Variants in UACA observed in about 807,000 individuals in gnomAD.
UACA encodes nuclear membrane binding protein.
In UACA, 112 loss-of-function variants were observed where a neutral mutation model predicts 160.5. The ratio of observed to expected loss-of-function variants is 0.70; its 90% confidence interval spans 0.60 to 0.82. UACA has a LOEUF of 0.82. Ranked by LOEUF, UACA falls within the 40% of genes least tolerant of loss-of-function variation. The pLI is 0.00. For synonymous variants in UACA, 557 were observed against 568.4 expected (o/e 0.98, Z 0.29); for missense variants, 1,574 against 1,614.6 (o/e 0.97, Z 0.43).
chr15:70,692,155 A>T (rs560667231), intron 3 of UACA, among the ~76,000 whole-genome samples: 2 of 152,252 alleles, frequency 1.3e-5, no homozygotes, highest in South Asian at 4.1e-4. Flanking sequence ...CTAATCTCAC[A>T]AACTTCTTTT....
At chr15:70,763,301 C>G (rs569126595) in intron 1 of UACA, 29 bp downstream of exon 1, 31 of 1,321,702 alleles carry the variant, frequency 2.3e-5, no homozygotes, top group Non-Finnish European at 3.0e-5. Flanking sequence ...CGGAGCGGAG[C>G]GCCTCGCAGC....
chr15:70,688,573 T>C (rs1240260874), intron 5 of UACA, among the ~76,000 whole-genome samples: 2 of 152,168 alleles, frequency 1.3e-5, no homozygotes, highest in Admixed American at 1.3e-4. Flanking sequence ...GCAAATCTTT[T>C]ATATAAAATG....
At chr15:70,669,518 A>G (rs1897065208) in intron 15 of UACA, 56 bp from the exon 16 acceptor site, 5 of 1,373,172 alleles carry the variant, frequency 3.6e-6, no homozygotes, top group Non-Finnish European at 4.9e-6. Context: ...GACATTTACT[A>G]TACTTATTTG....
Position 70,656,016 on chromosome 15 carries a change from A to T in UACA, c.*1040T>A, listed in dbSNP as rs1345097521. On this transcript the variant is annotated 3_prime_UTR_variant, in exon 19 of 19. Coordinates refer to ENST00000322954, the MANE Select transcript of UACA (RefSeq NM_018003.4). ...TTACTTCAGAGTATTTACTATAAAC[A>T]TGTCCACTTATGTTATTTTATTGCT... The T allele has an allele frequency of 6.6e-6, 1 of 152,312 alleles. No individual in the cohort carries two copies. The highest frequency in any genetic ancestry group is 2.1e-4 in the South Asian group (1 of 4,828). 9.4% of individuals were successfully genotyped at this position (152,312 alleles called of 1,614,324 possible).
upstream of UACA, chr15:70,763,722 C>T (rs1412706740): frequency 3.2e-6 from 1 of 315,312 alleles, no homozygotes; most frequent in East Asian, 6.0e-5. Flanking sequence ...GGAACTTTAG[C>T]CCGGGAAGGG....
the UACA span, among the ~76,000 whole-genome samples, chr15:70,774,545 C>CA: frequency 0.01 from 856 of 82,334 alleles, 31 homozygotes; most frequent in Admixed American, 0.041. Context: ...GACTCTGTCT[C>CA]AAAAAAAAAA....
At chr15:70,775,016 G>A in the UACA span, among the ~76,000 whole-genome samples, 21 of 152,182 alleles carry the variant, frequency 1.4e-4, no homozygotes, top group South Asian at 3.3e-3. Context: ...CCGAGATCAC[G>A]CTACAGCATT....
rs543007114 is a variant in UACA, at chr15:70,671,030, A to T, written c.1221+9T>A. On this transcript the variant is annotated intron_variant, in intron 15 of 18. Coordinates refer to ENST00000322954, the MANE Select transcript of UACA (RefSeq NM_018003.4). ...GTTTTTTAAAATTAAAAAAAAAAAC[A>T]GTTATTACCTGTGAGTCTGCCATAT... The T allele has an allele frequency of 1.7e-4, 263 of 1,513,754 alleles. 1 individual carries two copies. The South Asian group carries it at 3.4e-3, about 20-fold the overall frequency. 93.8% of individuals were successfully genotyped at this position (1,513,754 alleles called of 1,614,324 possible). A position where few individuals can be genotyped will look rare whatever the true frequency, so the allele number is the denominator to read the frequency against.
At chr15:70,744,553 G>T (rs1396362655) in intron 1 of UACA, among the ~76,000 whole-genome samples, 1 of 152,088 alleles carries the variant, frequency 6.6e-6, no homozygotes, top group Non-Finnish European at 1.5e-5. Context: ...AGCTATTAAT[G>T]GAATAAAAGC....
Position 70,667,750 on chromosome 15 carries a change from T to C in UACA, c.2934A>G (p.Gln978=). 2.5e-6 allele frequency: 4 copies of C among 1,614,098 alleles called. No individual in the cohort carries two copies. Among genetic ancestry groups the C allele is most frequent in the Non-Finnish European group, 3.4e-6 (4 of 1,179,996 alleles). Residue 978 remains glutamine (Q), a synonymous_variant, in exon 16 of 19, where the codon CAA becomes CAG. Transcript: ENST00000322954. ...KAQKKELDTI[Q]ECIKVKYAPI... ...GGGCGTATTTTACCTTAATGCATTCTTGTATTGTGTCGAGCTCCTTCTTCT... is the reference window on the plus strand; with the variant it reads ...GGGCGTATTTTACCTTAATGCATTCCTGTATTGTGTCGAGCTCCTTCTTCT...
intron 1 of UACA, among the ~76,000 whole-genome samples, chr15:70,748,224 G>A (rs1328948446): frequency 1.3e-5 from 2 of 151,996 alleles, no homozygotes; most frequent in Non-Finnish European, 2.9e-5. Context: ...ATTCTTAGCT[G>A]TAAAGAAAAG....
intron 18 of UACA, among the ~76,000 whole-genome samples, chr15:70,658,412 A>T (rs1165533266): frequency 6.6e-6 from 1 of 152,344 alleles, no homozygotes; most frequent in East Asian, 1.9e-4. Flanking sequence ...TTCCCTCTAC[A>T]GAGATTGTAA....
intron 3 of UACA, 94 bp from the exon 4 acceptor site, chr15:70,691,457 G>C: frequency 2.3e-6 from 2 of 862,688 alleles, no homozygotes; most frequent in South Asian, 3.5e-5. Flanking sequence ...CCCAAAACTA[G>C]TTGACAACAT....
intron 13 of UACA, among the ~76,000 whole-genome samples, chr15:70,673,310 T>G (rs1897199872): frequency 2.6e-5 from 4 of 151,156 alleles, no homozygotes; most frequent in Admixed American, 2.6e-4. Flanking sequence ...AACCCCAGAG[T>G]GAAATGAAGA....
chr15:70,695,715 C>T (rs965130498), intron 2 of UACA, among the ~76,000 whole-genome samples: 2 of 152,130 alleles, frequency 1.3e-5, no homozygotes, highest in African/African-American at 4.8e-5. Flanking sequence ...GTATGATTGG[C>T]TGAAGTTTCA....
chr15:70,762,075 ATC>A (rs938517483), intron 1 of UACA, among the ~76,000 whole-genome samples: 3 of 152,306 alleles, frequency 2.0e-5, no homozygotes, highest in African/African-American at 2.4e-5. Flanking sequence ...AAACAAAGTA[ATC>A]TCTGTTTTCC....
chr15:70,664,818 T>C lies in UACA; in HGVS notation c.3961-4A>G. On this transcript the variant is annotated splice_polypyrimidine_tract_variant and splice_region_variant and intron_variant, in intron 16 of 18. Coordinates refer to ENST00000322954, the MANE Select transcript of UACA (RefSeq NM_018003.4). ...CATCATTAAGCAGTTCAGTTATCTTTAAAAAAATGTTGTAGGAGAAATATA... is the reference window on the plus strand; with the variant it reads ...CATCATTAAGCAGTTCAGTTATCTTCAAAAAAATGTTGTAGGAGAAATATA... The C allele has an allele frequency of 6.2e-7, 1 of 1,606,158 alleles. No homozygotes were observed. The highest frequency in any genetic ancestry group is 8.5e-7 in the Non-Finnish European group (1 of 1,177,082).
chr15:70,747,578 T>A (rs28552615), intron 1 of UACA, among the ~76,000 whole-genome samples: 28,077 of 152,036 alleles, frequency 0.18, 4,012 homozygotes, highest in African/African-American at 0.4. Flanking sequence ...AAGCTTTCAA[T>A]TATTTCCATT....
chr15:70,748,422 C>A (rs948104437), intron 1 of UACA, among the ~76,000 whole-genome samples: 1 of 152,144 alleles, frequency 6.6e-6, no homozygotes, highest in African/African-American at 2.4e-5. Flanking sequence ...CTGCATCAGT[C>A]TGCAGCAGGG....
Sources: gnomAD v4.1 joint callset for allele counts (sites outside exome capture counted in the v4.1 genomes callset) on GRCh38, gnomAD v4.1.1 for gene constraint, MANE v1.5 for transcripts, NCBI Gene and HGNC (gene_info 2026-07-23, HGNC 2026-07-21) for gene names.